The following LARGE1 variants were observed in gnomAD, a reference collection of about 807,000 sequenced individuals.
LARGE1 encodes the protein xylosyl- and glucuronyltransferase LARGE1.
In LARGE1, 43 loss-of-function variants were observed where a neutral mutation model predicts 87.6. The ratio of observed to expected loss-of-function variants is 0.49; its 90% confidence interval spans 0.38 to 0.63. LARGE1 has a LOEUF of 0.63. Ranked by LOEUF, LARGE1 falls within the 30% of genes least tolerant of loss-of-function variation. The pLI, the probability that LARGE1 is intolerant of heterozygous loss-of-function variation, is 0.00. For missense variants in LARGE1, 802 were observed against 1,000.2 expected, an observed-to-expected ratio of 0.80 and a Z score of 2.67; for synonymous variants, 434 against 394.6, an observed-to-expected ratio of 1.10 and a Z score of -1.18.
chr22:33,321,080 C>T (rs1253845102), intron 10 of LARGE1: 2 of 152,190 alleles, frequency 1.3e-5, no homozygotes, highest in East Asian at 1.9e-4. Context: ...GCTTCAGGGT[C>T]CTCAGCTGTA....
chr22:33,389,279 C>T (rs913711588), intron 7 of LARGE1, among the ~76,000 whole-genome samples: 1 of 152,264 alleles, frequency 6.6e-6, no homozygotes, highest in Non-Finnish European at 1.5e-5. Flanking sequence ...CTATGCAACA[C>T]AGGTGCGTTC....
chr22:33,883,202 G>C (rs11912096), intron 1 of LARGE1, among the ~76,000 whole-genome samples: 83 of 152,286 alleles, frequency 5.5e-4, no homozygotes, highest in African/African-American at 1.9e-3. Context: ...AGCACCCACA[G>C]TGTCGGGGAG....
intron 11 of LARGE1, among the ~76,000 whole-genome samples, chr22:33,242,361 C>T (rs543180131): frequency 2.6e-5 from 4 of 152,242 alleles, no homozygotes; most frequent in South Asian, 4.1e-4. Context: ...AGTCTTAATG[C>T]ACTTCCCCAA....
At chr22:33,303,148 A>C (rs1934390230) in intron 12 of LARGE1, among the ~76,000 whole-genome samples, 1 of 152,206 alleles carries the variant, frequency 6.6e-6, no homozygotes, top group South Asian at 2.1e-4. Flanking sequence ...ACTATTCTGT[A>C]ATAAATGCAC....
chr22:33,823,549 C>T (rs1311185216), intron 1 of LARGE1, among the ~76,000 whole-genome samples: 5 of 152,174 alleles, frequency 3.3e-5, no homozygotes, highest in Non-Finnish European at 7.3e-5. Context: ...GCCACACTTC[C>T]AGAACACAGC....
At chr22:33,766,521 G>T (rs1023897589) in intron 1 of LARGE1, among the ~76,000 whole-genome samples, 6 of 152,144 alleles carry the variant, frequency 3.9e-5, no homozygotes, top group Non-Finnish European at 8.8e-5. Context: ...CGCCTCCCGG[G>T]TTCACGCATT....
chr22:33,691,970 C>G (rs1416716901), intron 2 of LARGE1, among the ~76,000 whole-genome samples: 1 of 152,152 alleles, frequency 6.6e-6, no homozygotes, highest in African/African-American at 2.4e-5. Flanking sequence ...CTCATTACAT[C>G]ACTGATTTGT....
At chr22:33,437,177 G>A (rs1464532377) in intron 6 of LARGE1, among the ~76,000 whole-genome samples, 3 of 152,154 alleles carry the variant, frequency 2.0e-5, no homozygotes, top group African/African-American at 4.8e-5. Context: ...TGGAAGCTCC[G>A]TTACTGCTTT....
chr22:33,183,682 T>C (rs576687115), intron 11 of LARGE1, among the ~76,000 whole-genome samples: 9 of 147,494 alleles, frequency 6.1e-5, no homozygotes, highest in South Asian at 2.1e-4. Flanking sequence ...AGAAGGAAAT[T>C]TGTGATGGCA....
chr22:33,090,768 C>G, the LARGE1 span, among the ~76,000 whole-genome samples: 3 of 152,138 alleles, frequency 2.0e-5, no homozygotes, highest in African/African-American at 7.2e-5. Context: ...ATAAATAGAC[C>G]ACAAAATTAG....
At chr22:33,325,982 G>A (rs1937207058) in intron 10 of LARGE1, among the ~76,000 whole-genome samples, 1 of 152,166 alleles carries the variant, frequency 6.6e-6, no homozygotes, top group African/African-American at 2.4e-5. Flanking sequence ...TGTCCCTGTG[G>A]TTTCCACAAA....
intron 2 of LARGE1, among the ~76,000 whole-genome samples, chr22:33,656,527 C>G (rs1200240447): frequency 2.6e-5 from 4 of 152,132 alleles, no homozygotes; most frequent in African/African-American, 9.7e-5. Flanking sequence ...TGCTGTTCTC[C>G]CAGCCCAAGC....
intron 11 of LARGE1, among the ~76,000 whole-genome samples, chr22:33,229,876 C>A (rs1178995747): frequency 2.0e-5 from 3 of 151,582 alleles, no homozygotes; most frequent in East Asian, 1.9e-4. Context: ...AAAAGTAAAA[C>A]CTTAAAAGCA....
chr22:33,893,988 TGAGCAGGCCTCAC>T, intron 1 of LARGE1, among the ~76,000 whole-genome samples: 1 of 152,230 alleles, frequency 6.6e-6, no homozygotes, highest in South Asian at 2.1e-4. Flanking sequence ...AGGAAAAGCA[TGAGCAGGCCTCAC>T]TGGGTCCCCA....
intron 11 of LARGE1, among the ~76,000 whole-genome samples, chr22:33,188,708 G>C (rs137406): frequency 0.42 from 64,327 of 151,906 alleles, 13,948 homozygotes; most frequent in Middle Eastern, 0.47. Context: ...ATTGGAGCTG[G>C]AGGAGTTGCC....
At chr22:33,499,965 G>T (rs986546291) in intron 6 of LARGE1, among the ~76,000 whole-genome samples, 1 of 152,058 alleles carries the variant, frequency 6.6e-6, no homozygotes, top group Non-Finnish European at 1.5e-5. Flanking sequence ...GTAGAGACGG[G>T]GTTTCACCAC....
chr22:33,466,816 A>C (rs1020873225), intron 6 of LARGE1, among the ~76,000 whole-genome samples: 6 of 152,056 alleles, frequency 3.9e-5, no homozygotes, highest in Non-Finnish European at 1.5e-5. Context: ...AGGAGGATGG[A>C]TCCCCCAAGG....
At chr22:33,871,712 CTTTT>C (rs2064288621) in intron 1 of LARGE1, among the ~76,000 whole-genome samples, 1 of 152,136 alleles carries the variant, frequency 6.6e-6, no homozygotes, top group African/African-American at 2.4e-5. Flanking sequence ...CCCTCATTCT[CTTTT>C]TTCTTTCTCT....
chr22:33,724,611 G>A (rs548584754), intron 2 of LARGE1, among the ~76,000 whole-genome samples: 57 of 152,336 alleles, frequency 3.7e-4, no homozygotes, highest in African/African-American at 1.2e-3. Flanking sequence ...GCTATGGTAC[G>A]GGAGACCCAT....
Sources: gnomAD v4.1 joint callset for allele counts (sites outside exome capture counted in the v4.1 genomes callset) on GRCh38, gnomAD v4.1.1 for gene constraint, MANE v1.5 for transcripts, NCBI Gene and HGNC (gene_info 2026-07-23, HGNC 2026-07-21) for gene names.